The following SCUBE2 variants were observed in gnomAD, a reference collection of about 807,000 sequenced individuals.
SCUBE2 encodes the protein signal peptide, CUB domain and EGF like domain containing 2.
In SCUBE2, 114 loss-of-function variants were observed where a neutral mutation model predicts 125.9. The observed-to-expected ratio is 0.91, with a 90% CI of 0.78 to 1.06. The LOEUF (loss-of-function observed/expected upper bound fraction) is 1.06. Ranked by LOEUF, SCUBE2 falls within the 50% of genes least tolerant of loss-of-function variation. The pLI is 0.00. For synonymous variants in SCUBE2, 459 were observed against 492.9 expected, an observed-to-expected ratio of 0.93 and a Z score of 0.91; for missense variants, 1,255 against 1,301.8, an observed-to-expected ratio of 0.96 and a Z score of 0.55.
rs561442371 is a variant in SCUBE2, at chr11:9,047,770, C to T, written c.1795+173G>A. On this transcript the variant is annotated intron_variant, in intron 15 of 22. Coordinates refer to ENST00000649792, the MANE Select transcript of SCUBE2 (RefSeq NM_001367977.2). Reference sequence around the variant, plus strand: ...ATGGTAGCTTTGGGTTTTTATGAAGCAGAGAAAACCATCAGGTTCCAAACC... The same window carrying T: ...ATGGTAGCTTTGGGTTTTTATGAAGTAGAGAAAACCATCAGGTTCCAAACC... Among the ~76,000 whole-genome samples, 78 of 152,040 alleles carry T rather than the reference C, an allele frequency of 5.1e-4. No individual in the cohort carries two copies. The South Asian group carries it at 0.016, about 31-fold the overall frequency.
chr11:9,088,823 G>A (rs182233409), intron 2 of SCUBE2, among the ~76,000 whole-genome samples: 22 of 152,334 alleles, frequency 1.4e-4, no homozygotes, highest in African/African-American at 5.1e-4. Context: ...ACAGCAGCAG[G>A]CTGAGTAAAT....
At chr11:9,027,629 C>A in intron 19 of SCUBE2, 68 bp from the exon 20 acceptor site, 5 of 1,402,026 alleles carry the variant, frequency 3.6e-6, no homozygotes, top group Non-Finnish European at 3.9e-6. Flanking sequence ...CGCTAGCTTG[C>A]CGAGCCCCGC....
chr11:9,088,003 A>C (rs1862258915), intron 2 of SCUBE2, among the ~76,000 whole-genome samples: 1 of 152,254 alleles, frequency 6.6e-6, no homozygotes, highest in Non-Finnish European at 1.5e-5. Flanking sequence ...CATCTTACAC[A>C]ATCACTTATT....
chr11:9,024,322 C>A, intron 21 of SCUBE2: 5 of 1,239,460 alleles, frequency 4.0e-6, no homozygotes, highest in Non-Finnish European at 4.1e-6. Flanking sequence ...CTCTGTCTCT[C>A]TCAGCAGAGC....
intron 10 of SCUBE2, among the ~76,000 whole-genome samples, 187 bp from the exon 11 acceptor site, chr11:9,053,946 A>T (rs959628681): frequency 2.0e-5 from 3 of 151,222 alleles, no homozygotes; most frequent in Non-Finnish European, 2.9e-5. Context: ...CCACCCAGCA[A>T]ATTTCCTGGC....
chr11:9,054,701 G>GTATATATATATATATATATATATATA (rs1210852364), intron 10 of SCUBE2, among the ~76,000 whole-genome samples: 9 of 51,072 alleles, frequency 1.8e-4, no homozygotes, highest in African/African-American at 8.8e-4. Context: ...AAGCACTAGT[G>GTATATATATATATATATATATATATA]TATATATATA....
intron 16 of SCUBE2, among the ~76,000 whole-genome samples, chr11:9,034,281 G>A (rs1856577031): frequency 6.6e-6 from 1 of 152,300 alleles, no homozygotes; most frequent in Middle Eastern, 3.4e-3. Context: ...GGATGAATAG[G>A]ATCTTCGCAG....
At chr11:9,057,793 A>G (rs534681956) in intron 9 of SCUBE2, among the ~76,000 whole-genome samples, 1 of 152,284 alleles carries the variant, frequency 6.6e-6, no homozygotes, top group African/African-American at 2.4e-5. Context: ...TCAGCCTCCC[A>G]AAGTGCTGAG....
rs762347256 is a variant in SCUBE2 at position 9,074,572 on chromosome 11, G to T, written c.426C>A (p.Thr142=). ...CATAGCTCCCCATGACGTTGACACA[G>T]GTATGCTGGCAGCCGCCATTGTTCT... ...CLENNGGCQH[T]CVNVMGSYEC... Residue 142 remains threonine, a synonymous_variant, in exon 4 of 23, where the codon ACC becomes ACA. Coordinates refer to ENST00000649792, the MANE Select transcript of SCUBE2 (RefSeq NM_001367977.2). 3 of 1,614,202 alleles carry T rather than the reference G, an allele frequency of 1.9e-6. No homozygotes were observed. The South Asian group carries it at 3.3e-5, about 18-fold the overall frequency.
Position 9,091,307 on chromosome 11 carries a change from G to A in SCUBE2, c.133+89C>T, listed in dbSNP as rs1327125494. ...TGCAGCCGCCAGCCCCGAGCCCCGC[G>A]CGCCCGGCTCTGGACTCCGCCGGGG... On this transcript the variant is annotated intron_variant, in intron 1 of 22. Transcript: ENST00000649792. This position sits in a 1 kb window ranked among gnomAD's most constrained non-coding sequence, Gnocchi z 8.5. 3.1e-6 allele frequency: 3 copies of A among 965,684 alleles called. No homozygotes were observed. The highest frequency in any genetic ancestry group is 4.0e-6 in the Non-Finnish European group (3 of 753,858). 59.8% of individuals were successfully genotyped at this position (965,684 alleles called of 1,614,324 possible).
chr11:9,041,340 A>G (rs1857222245), intron 16 of SCUBE2, among the ~76,000 whole-genome samples: 4 of 152,212 alleles, frequency 2.6e-5, no homozygotes, highest in Non-Finnish European at 4.4e-5. Flanking sequence ...AATCGCCAGC[A>G]TGTGGTGGTA....
rs751144825 is a variant in SCUBE2, at chr11:9,060,476, G to A, written c.899C>T (p.Thr300Ile). ...ACAACTGCAGTGGACACCTGTCGAA[G>A]TATCCTTACAGGTGCGGTCACAGCC... ...NGGCDRTCKD[T>I]STGVHCSCPV... The change falls in exon 8 of 23, where the codon ACT becomes ATT. Residue 300 changes from threonine to isoleucine, a missense_variant. Coordinates refer to ENST00000649792, the MANE Select transcript of SCUBE2 (RefSeq NM_001367977.2). The A allele has an allele frequency of 4.3e-6, 7 of 1,614,108 alleles. No individual in the cohort carries two copies. Among genetic ancestry groups the A allele is most frequent in the South Asian group, 1.1e-5 (1 of 91,070 alleles).
chr11:9,043,987 T>C (rs191576189), intron 16 of SCUBE2, among the ~76,000 whole-genome samples: 1 of 152,348 alleles, frequency 6.6e-6, no homozygotes, highest in Admixed American at 6.5e-5. Context: ...GAGTCGGCCA[T>C]TGTACTTTTG....
intron 1 of SCUBE2, among the ~76,000 whole-genome samples, chr11:9,090,086 G>A (rs902981270): frequency 6.6e-6 from 1 of 152,130 alleles, no homozygotes; most frequent in African/African-American, 2.4e-5. Flanking sequence ...CCTCCAGGAA[G>A]CCTGCCATGA....
intron 3 of SCUBE2, among the ~76,000 whole-genome samples, chr11:9,076,725 T>C (rs1002170826): frequency 6.0e-4 from 92 of 152,230 alleles, no homozygotes; most frequent in African/African-American, 2.1e-3. Context: ...ATATCTGTTA[T>C]CTGGTTTCAA....
chr11:9,044,677 AGGGTCCTC>A (rs1419170522), intron 16 of SCUBE2, among the ~76,000 whole-genome samples: 1 of 152,212 alleles, frequency 6.6e-6, no homozygotes, highest in African/African-American at 2.4e-5. Context: ...ATTCGGGATC[AGGGTCCTC>A]CCTGGTTTCG....
chr11:9,035,108 T>G (rs765512958), intron 16 of SCUBE2, among the ~76,000 whole-genome samples: 1 of 152,248 alleles, frequency 6.6e-6, no homozygotes, highest in African/African-American at 2.4e-5. Context: ...TTGTACCTTA[T>G]GTTAGGCTAT....
At chr11:9,080,398 T>C (rs1333771115) in intron 2 of SCUBE2, among the ~76,000 whole-genome samples, 1 of 152,162 alleles carries the variant, frequency 6.6e-6, no homozygotes, top group East Asian at 1.9e-4. Context: ...GGCATGATCT[T>C]TGGGTGCACT....
In SCUBE2 at chr11:9,059,444, G is replaced by T. The variant is rs760032815; in HGVS notation, c.968-19C>A. ...TCAATATCTGCAACAGGAAAGCATTGGGCATATCAGAGAGCAATACTTGCC... is the reference window on the plus strand; with the variant it reads ...TCAATATCTGCAACAGGAAAGCATTTGGCATATCAGAGAGCAATACTTGCC... On this transcript the variant is annotated intron_variant, in intron 8 of 22. Transcript: ENST00000649792. 20 of 1,610,576 alleles carry T rather than the reference G, an allele frequency of 1.2e-5. No homozygotes were observed. Among genetic ancestry groups the T allele is most frequent in the Non-Finnish European group, 1.4e-5 (16 of 1,177,326 alleles).
Sources: allele counts gnomAD v4.1 joint callset (sites outside exome capture counted in the v4.1 genomes callset), GRCh38; gene constraint gnomAD v4.1.1; non-coding constraint Gnocchi (gnomAD v3.1); transcripts MANE v1.5; gene names NCBI Gene and HGNC (gene_info 2026-07-23, HGNC 2026-07-21).